The following VPS13A variants were observed in gnomAD, a reference collection of about 807,000 sequenced individuals.
VPS13A encodes intermembrane lipid transfer protein VPS13A.
In VPS13A, 264 loss-of-function variants were observed where a neutral mutation model predicts 390.9. The ratio of observed to expected loss-of-function variants is 0.68; its 90% CI spans 0.61 to 0.75. VPS13A has a LOEUF of 0.75. Among genes scored for constraint, VPS13A ranks in the 30% least tolerant of loss-of-function variants. VPS13A has a pLI of 0.00. For synonymous variants in VPS13A, 1,231 were observed against 1,227.1 expected (o/e 1.00, Z -0.07); for missense variants, 3,409 against 3,733.9 (o/e 0.91, Z 2.27).
intron 67 of VPS13A, 63 bp downstream of exon 67, chr9:77,371,212 C>T (rs963672678): frequency 6.2e-6 from 10 of 1,607,246 alleles, no homozygotes; most frequent in Non-Finnish European, 8.5e-6. Flanking sequence ...TGGAATTTAT[C>T]TGCTCTTTGG....
intron 13 of VPS13A, among the ~76,000 whole-genome samples, chr9:77,223,192 G>A (rs1823320364): frequency 6.6e-6 from 1 of 152,116 alleles, no homozygotes; most frequent in Admixed American, 6.6e-5. Flanking sequence ...CTTAATAAAT[G>A]TTGTGCGTGT....
chr9:77,209,618 A>G (rs1825860996), intron 6 of VPS13A, 86 bp downstream of exon 6: 5 of 804,410 alleles, frequency 6.2e-6, no homozygotes, highest in African/African-American at 3.5e-5. Flanking sequence ...TTAATGGCCA[A>G]TCTGTTAAAT....
intron 17 of VPS13A, among the ~76,000 whole-genome samples, chr9:77,236,141 A>G (rs1000107727): frequency 6.6e-6 from 1 of 152,222 alleles, no homozygotes; most frequent in Non-Finnish European, 1.5e-5. Flanking sequence ...TGACATATTC[A>G]ACTTACAATG....
intron 1 of VPS13A, among the ~76,000 whole-genome samples, chr9:77,195,188 A>G (rs141698101): frequency 9.3e-4 from 141 of 152,148 alleles, no homozygotes; most frequent in African/African-American, 3.2e-3. Flanking sequence ...CAGTGGCGCA[A>G]TCTCGGCTCA....
At chr9:77,243,399 C>T (rs990859693) in intron 19 of VPS13A, among the ~76,000 whole-genome samples, 3 of 152,036 alleles carry the variant, frequency 2.0e-5, no homozygotes, top group African/African-American at 4.8e-5. Flanking sequence ...GATCCTGGAG[C>T]GTTTTGATTT....
chr9:77,283,885 G>T lies in VPS13A; in HGVS notation c.3339+235G>T, dbSNP rs145135822. Reference sequence around the variant, plus strand: ...CTTTATTTGTAAAATGAGGATTACAGTATCTCATAAATGAGATAAGTACGA... The same window carrying T: ...CTTTATTTGTAAAATGAGGATTACATTATCTCATAAATGAGATAAGTACGA... On this transcript the variant is annotated intron_variant, in intron 31 of 71. Transcript: ENST00000360280. Among the ~76,000 whole-genome samples the T allele has an allele frequency of 3.0e-3, 458 of 151,464 alleles. No homozygotes were observed. The highest frequency in any genetic ancestry group is 0.01 in the African/African-American group (432 of 41,290).
intron 31 of VPS13A, among the ~76,000 whole-genome samples, chr9:77,290,967 C>T (rs1054659417): frequency 6.6e-6 from 1 of 151,896 alleles, no homozygotes; most frequent in African/African-American, 2.4e-5. Flanking sequence ...GAATTTTTTC[C>T]CTTGCTTTTA....
intron 23 of VPS13A, among the ~76,000 whole-genome samples, chr9:77,273,037 G>C (rs1295419677): frequency 6.6e-6 from 1 of 152,112 alleles, no homozygotes; most frequent in Non-Finnish European, 1.5e-5. Flanking sequence ...CTCAAAGCCT[G>C]TCATCAAGGA....
intron 19 of VPS13A, among the ~76,000 whole-genome samples, chr9:77,240,254 T>A (rs531501746): frequency 5.3e-5 from 8 of 151,924 alleles, no homozygotes; most frequent in Admixed American, 2.0e-4. Flanking sequence ...GGCTAATTTT[T>A]AAAAAAATTT....
intron 33 of VPS13A, among the ~76,000 whole-genome samples, chr9:77,296,829 T>G (rs773492250): frequency 4.6e-5 from 7 of 152,220 alleles, no homozygotes; most frequent in Non-Finnish European, 8.8e-5. Flanking sequence ...ATAGTTTTCA[T>G]TTCTTTAATA....
Position 77,207,254 on chromosome 9 carries a change from A to ATATATATATAT in VPS13A, c.385+1175_385+1176insTATATATATAT, listed in dbSNP as rs1564630578. On this transcript the variant is annotated intron_variant, in intron 5 of 71. Coordinates refer to ENST00000360280, the MANE Select transcript of VPS13A (RefSeq NM_033305.3). ...ATATATATATATATATATATATATA[A>ATATATATATAT]AACGTGTTATATGTAACATAACATG... 5.8e-3 allele frequency among the ~76,000 whole-genome samples: 309 copies of ATATATATATAT among 53,366 alleles called. 10 individuals are homozygous for ATATATATATAT. Among genetic ancestry groups the ATATATATATAT allele is most frequent in the East Asian group, 0.021 (23 of 1,108 alleles). The allele number at this position is 53,366 out of a possible 152,430, so 35.0% of individuals were successfully genotyped here.
At position 77,418,401 on chromosome 9, in the gene VPS13A, C is replaced by T. The variant is rs1835237919; in HGVS notation, c.*2395C>T. 1 of 152,188 alleles carries T rather than the reference C, an allele frequency of 6.6e-6. No homozygotes were observed. 9.4% of individuals were successfully genotyped at this position (152,188 alleles called of 1,614,324 possible). ...GAGTGCCTGTTCCCTGCCAACTCTC[C>T]ACCAGAAAATCATAATCAGAAAGAG... On this transcript the variant is annotated 3_prime_UTR_variant, in exon 72 of 72. Transcript: ENST00000360280.
chr9:77,215,793 T>C (rs1203003765), intron 10 of VPS13A, among the ~76,000 whole-genome samples: 2 of 152,254 alleles, frequency 1.3e-5, no homozygotes, highest in Non-Finnish European at 1.5e-5. Flanking sequence ...TCTGTGGTGC[T>C]GTGCCAGCAA....
intron 59 of VPS13A, among the ~76,000 whole-genome samples, chr9:77,362,888 G>T (rs765074080): frequency 1.3e-5 from 2 of 151,838 alleles, no homozygotes; most frequent in Non-Finnish European, 2.9e-5. Context: ...GAATAAAATT[G>T]ATTTTTTAAT....
At position 77,190,782 on chromosome 9, in the gene VPS13A, C is replaced by T. The variant is rs571369387; in HGVS notation, c.101-9163C>T. ...ATTGCTCTGTTGAGGTATTCAGTTTCTTCCAGGTTCAATCTTGGGAGGTTG... is the reference window on the plus strand; with the variant it reads ...ATTGCTCTGTTGAGGTATTCAGTTTTTTCCAGGTTCAATCTTGGGAGGTTG... On this transcript the variant is annotated intron_variant, in intron 1 of 71. Coordinates refer to ENST00000360280, the MANE Select transcript of VPS13A (RefSeq NM_033305.3). Among the ~76,000 whole-genome samples, 4 of 152,310 alleles carry T rather than the reference C, an allele frequency of 2.6e-5. No individual in the cohort carries two copies. In the South Asian group the frequency reaches 8.3e-4, roughly 32 times the overall value.
Position 77,275,548 on chromosome 9 carries a change from C to T in VPS13A, c.2563C>T (p.Leu855Phe), listed in dbSNP as rs1826605790. 1 of 1,613,696 alleles carries T rather than the reference C, an allele frequency of 6.2e-7. No homozygotes were observed. The highest frequency in any genetic ancestry group is 1.1e-5 in the South Asian group (1 of 91,078). ...DAPCSPLEEPLQFPTGVKSIR... is the reference protein window; with the variant it reads ...DAPCSPLEEPFQFPTGVKSIR... ...ACCATGTAGTCCCTTGGAAGAACCT[C>T]TTCAGTTTCCAACTGGAGTTAAAAG... Residue 855 changes from leucine (L) to phenylalanine (F), a missense_variant, in exon 25 of 72, where the codon CTT becomes TTT. Physicochemically the swap from Leu to Phe is conservative, Grantham distance 22 (BLOSUM62 0). Around this residue, in one of 5 missense-constraint regions of VPS13A, gnomAD observed 2,717 missense variants for 2,917.4 expected, o/e 0.93. Coordinates refer to ENST00000360280, the MANE Select transcript of VPS13A (RefSeq NM_033305.3).
At chr9:77,370,227 C>A (rs779095877) in intron 63 of VPS13A, 30 bp from the exon 64 acceptor site, 2 of 1,609,306 alleles carry the variant, frequency 1.2e-6, no homozygotes, top group Non-Finnish European at 1.7e-6. Flanking sequence ...ATAACTCACT[C>A]ACTCATTTAT....
intron 27 of VPS13A, among the ~76,000 whole-genome samples, chr9:77,280,668 T>C (rs1826964464): frequency 6.6e-6 from 1 of 152,206 alleles, no homozygotes. Context: ...TATCGTTTGT[T>C]AAGCTTTTCT....
intron 27 of VPS13A, among the ~76,000 whole-genome samples, chr9:77,281,051 G>A (rs746687598): frequency 9.9e-5 from 15 of 151,110 alleles, no homozygotes; most frequent in Non-Finnish European, 1.8e-4. Context: ...AATACCTCAT[G>A]ATCTTCTTTA....
Sources: allele counts gnomAD v4.1 joint callset (sites outside exome capture counted in the v4.1 genomes callset), GRCh38; gene constraint gnomAD v4.1.1; regional missense constraint gnomAD v4.1.1; transcripts MANE v1.5; gene names NCBI Gene and HGNC (gene_info 2026-07-23, HGNC 2026-07-21).